Variants in PREX1 observed in about 807,000 individuals in gnomAD.
PREX1 encodes the protein phosphatidylinositol-3,4,5-trisphosphate dependent Rac exchange factor 1.
PREX1 carries 41 observed loss-of-function variants against 198.3 expected under a neutral mutation model. The observed-to-expected ratio is 0.21, with a 90% CI of 0.16 to 0.27. The LOEUF is 0.27. Ranked by LOEUF, PREX1 falls within the 10% of genes least tolerant of loss-of-function variation. The pLI, the probability that PREX1 is intolerant of heterozygous loss-of-function variation, is 1.00. For synonymous variants in PREX1, 843 were observed against 887.2 expected (o/e 0.95, Z 0.89); for missense variants, 1,620 against 2,200.7 (o/e 0.74, Z 5.28).
intron 6 of PREX1, among the ~76,000 whole-genome samples, chr20:48,702,678 G>A (rs180786364): frequency 1.0e-3 from 158 of 152,356 alleles, no homozygotes; most frequent in African/African-American, 3.5e-3. Context: ...AGGAGCTGGA[G>A]GGAACCTGGG....
chr20:48,647,162 C>T (rs993501066), intron 25 of PREX1, among the ~76,000 whole-genome samples: 1 of 150,942 alleles, frequency 6.6e-6, no homozygotes, highest in African/African-American at 2.4e-5. Flanking sequence ...CCCAGGAGTT[C>T]GAGGCTGTGG....
At chr20:48,779,432 A>G (rs2122916067) in intron 1 of PREX1, among the ~76,000 whole-genome samples, 1 of 152,332 alleles carries the variant, frequency 6.6e-6, no homozygotes, top group African/African-American at 2.4e-5. Context: ...AACTTCCCAC[A>G]AAGTTTTTTG....
rs545897158 is a variant in PREX1 at position 48,637,967 on chromosome 20, C to G, written c.3905-215G>C. ...CAGGCAGTGGAACCCCAACTGTGAG[C>G]CCCATCTGTACGTGCAAGCCTGGGA... On this transcript the variant is annotated intron_variant, in intron 30 of 39. Coordinates refer to ENST00000371941, the MANE Select transcript of PREX1 (RefSeq NM_020820.4). Among the ~76,000 whole-genome samples, 3 of 152,316 alleles carry G rather than the reference C, an allele frequency of 2.0e-5. No individual in the cohort carries two copies. The East Asian group carries it at 5.8e-4, about 29-fold the overall frequency.
intron 20 of PREX1, 87 bp downstream of exon 20, chr20:48,653,274 G>A: frequency 6.5e-7 from 1 of 1,542,004 alleles, no homozygotes; most frequent in Admixed American, 1.8e-5. Context: ...GTACATGCAG[G>A]CTTTTCTCTA....
At chr20:48,859,478 C>A in the PREX1 span, among the ~76,000 whole-genome samples, 63 of 152,244 alleles carry the variant, frequency 4.1e-4, no homozygotes, top group East Asian at 0.012. Context: ...GGAGCCCCTG[C>A]CTCACCTCAC....
the PREX1 span, among the ~76,000 whole-genome samples, chr20:48,874,375 G>A: frequency 2.6e-4 from 1 of 3,840 alleles, no homozygotes; most frequent in Non-Finnish European, 4.9e-4. Context: ...GGGTGTCCGT[G>A]TGTGTGTGTG....
At chr20:48,637,781 G>C (rs763850556) in intron 30 of PREX1, 29 bp from the exon 31 acceptor site, 2 of 1,598,818 alleles carry the variant, frequency 1.3e-6, no homozygotes, top group Non-Finnish European at 1.7e-6. Context: ...CAGAAAGGGG[G>C]ACGGGCTGGG....
At chr20:48,822,216 C>G (rs776047521) in intron 1 of PREX1, among the ~76,000 whole-genome samples, 1 of 152,246 alleles carries the variant, frequency 6.6e-6, no homozygotes, top group Non-Finnish European at 1.5e-5. Flanking sequence ...TCCAGGCTCT[C>G]CGGCATCTGA....
At chr20:48,758,804 C>T (rs757351789) in intron 1 of PREX1, among the ~76,000 whole-genome samples, 99 of 152,172 alleles carry the variant, frequency 6.5e-4, no homozygotes, top group Admixed American at 2.2e-3. Flanking sequence ...CTTTCCAAGA[C>T]AATCCTATCG....
At chr20:48,794,428 C>G (rs891078264) in intron 1 of PREX1, among the ~76,000 whole-genome samples, 1 of 152,318 alleles carries the variant, frequency 6.6e-6, no homozygotes, top group Non-Finnish European at 1.5e-5. Context: ...AACAAGAGCT[C>G]TCTCTCCACT....
intron 1 of PREX1, among the ~76,000 whole-genome samples, chr20:48,751,939 C>T (rs1471283093): frequency 6.6e-6 from 1 of 152,170 alleles, no homozygotes; most frequent in Admixed American, 6.5e-5. Context: ...ACCGAATTTG[C>T]TTGAAACCAT....
intron 13 of PREX1, 89 bp from the exon 14 acceptor site, chr20:48,676,357 C>T (rs1048759701): frequency 2.0e-5 from 25 of 1,231,782 alleles, no homozygotes; most frequent in East Asian, 1.9e-4. Context: ...GACGTGCCCA[C>T]GAGTCAAGGA....
Position 48,753,797 on chromosome 20 carries a change from G to A in PREX1, c.220-5917C>T, listed in dbSNP as rs144035551. Reference sequence around the variant, plus strand: ...TTTTCCCAAGACATTCAATTGGCAGGAGAGGTCCCTCCTCTCACAGGCCAC... The same window carrying A: ...TTTTCCCAAGACATTCAATTGGCAGAAGAGGTCCCTCCTCTCACAGGCCAC... On this transcript the variant is annotated intron_variant, in intron 1 of 39. Transcript: ENST00000371941. Among the ~76,000 whole-genome samples the A allele has an allele frequency of 3.3e-5, 5 of 152,256 alleles. No homozygotes were observed. In the East Asian group the frequency reaches 9.6e-4, roughly 29 times the overall value.
chr20:48,644,472 C>A lies in PREX1; in HGVS notation c.3538G>T (p.Val1180Phe), dbSNP rs766057774. Residue 1180 changes from valine to phenylalanine, a missense_variant, in exon 27 of 40, where the codon GTC becomes TTC. By Grantham distance (50) the Val-to-Phe change is conservative. Transcript: ENST00000371941. ...YSECNSNRDS[V>F]LSYTSVRSNS... ...CTTCTCACGCTGGTGTAGGACAGGA[C>A]CGAGTCTCGATTGCTGTTACACTCG... 6 of 1,613,914 alleles carry A rather than the reference C, an allele frequency of 3.7e-6. No individual in the cohort carries two copies. In the South Asian group the frequency reaches 6.6e-5, roughly 18 times the overall value.
intron 1 of PREX1, among the ~76,000 whole-genome samples, chr20:48,790,145 T>C (rs1225730381): frequency 6.6e-6 from 1 of 152,216 alleles, no homozygotes; most frequent in Non-Finnish European, 1.5e-5. Flanking sequence ...CCCAGTCTCC[T>C]GGACTGTGAA....
chr20:48,854,069 G>C, the PREX1 span, among the ~76,000 whole-genome samples: 1 of 152,196 alleles, frequency 6.6e-6, no homozygotes, highest in Non-Finnish European at 1.5e-5. Flanking sequence ...ACAACCCCTG[G>C]CAGTGCTAAT....
intron 1 of PREX1, among the ~76,000 whole-genome samples, chr20:48,748,366 C>T (rs984532583): frequency 3.9e-5 from 6 of 152,134 alleles, no homozygotes; most frequent in Non-Finnish European, 7.4e-5. Context: ...ACCCCAGCCC[C>T]AAACCATCTA....
intron 1 of PREX1, among the ~76,000 whole-genome samples, chr20:48,775,483 A>T (rs1210604716): frequency 6.6e-6 from 1 of 152,106 alleles, no homozygotes; most frequent in Non-Finnish European, 1.5e-5. Flanking sequence ...CTTGGTGCAC[A>T]GGGACAACAA....
intron 7 of PREX1, among the ~76,000 whole-genome samples, chr20:48,698,505 A>C (rs1453715788): frequency 2.0e-5 from 3 of 152,158 alleles, no homozygotes; most frequent in African/African-American, 7.2e-5. Flanking sequence ...ACAGCCCCAG[A>C]GAGACCAGAA....
Sources: allele counts gnomAD v4.1 joint callset (sites outside exome capture counted in the v4.1 genomes callset), GRCh38; gene constraint gnomAD v4.1.1; transcripts MANE v1.5; gene names NCBI Gene and HGNC (gene_info 2026-07-23, HGNC 2026-07-21).